Variants in ZNF33B observed in about 807,000 individuals in gnomAD.
The protein encoded by ZNF33B is zinc finger protein 11b (KOX 2).
A neutral mutation model predicts 45.8 loss-of-function variants in ZNF33B; 29 were observed. The observed-to-expected ratio is 0.63, with a 90% CI of 0.47 to 0.86. ZNF33B has a LOEUF of 0.86. ZNF33B is among the 40% of genes least tolerant of loss of function. The pLI is 0.00. For synonymous variants in ZNF33B, 305 were observed against 307.8 expected (o/e 0.99, Z 0.10); for missense variants, 831 against 909.9 (o/e 0.91, Z 1.12).
At position 42,589,592 on chromosome 10, in the gene ZNF33B, G is replaced by A. The variant is rs935956212; in HGVS notation, c.*3021C>T. On this transcript the variant is annotated 3_prime_UTR_variant, in exon 5 of 5. Coordinates refer to ENST00000359467, the MANE Select transcript of ZNF33B (RefSeq NM_006955.3). The stretch of plus-strand genomic sequence containing the variant: ...TTTTCACTTAACAATAAGCATTTAG[G>A]GTTCCTATATGTCTTTTAATGACTT... 7 of 152,016 alleles carry A rather than the reference G, an allele frequency of 4.6e-5. No homozygotes were observed. Among genetic ancestry groups the A allele is most frequent in the African/African-American group, 1.7e-4 (7 of 41,376 alleles). 9.4% of individuals were successfully genotyped at this position (152,016 alleles called of 1,614,324 possible).
At chr10:42,598,646 CG>C (rs1209785782) in intron 4 of ZNF33B, among the ~76,000 whole-genome samples, 1 of 152,192 alleles carries the variant, frequency 6.6e-6, no homozygotes, top group African/African-American at 2.4e-5. Context: ...AGTGTAGCAA[CG>C]TGTGACTGCA....
chr10:42,586,494 G>A (rs1280931310), downstream of ZNF33B, among the ~76,000 whole-genome samples: 2 of 152,210 alleles, frequency 1.3e-5, no homozygotes, highest in Non-Finnish European at 1.5e-5. Flanking sequence ...ACCCAGGCTG[G>A]AGTGCAGTGG....
chr10:42,587,780 G>A (rs536483438), downstream of ZNF33B, among the ~76,000 whole-genome samples: 12 of 152,330 alleles, frequency 7.9e-5, no homozygotes, highest in African/African-American at 2.9e-4. Context: ...ACTTCCTCTG[G>A]TAATCTGGGG....
chr10:42,592,462 G>C lies in ZNF33B; in HGVS notation c.*151C>G, dbSNP rs12218619. ...ATCCTATAGTTGTTGTAGTCTATGG[G>C]TTTATCCCCTACTGTTACTTTGGAG... On this transcript the variant is annotated 3_prime_UTR_variant, in exon 5 of 5. Coordinates refer to ENST00000359467, the MANE Select transcript of ZNF33B (RefSeq NM_006955.3). The C allele has an allele frequency of 4.2e-4, 482 of 1,139,398 alleles. 4 individuals carry two copies. In the East Asian group the frequency reaches 9.3e-3, roughly 22 times the overall value. 70.6% of individuals were successfully genotyped at this position (1,139,398 alleles called of 1,614,324 possible).
Position 42,577,656 on chromosome 10 carries a change from A to G in ZNF33B, c.74-2978T>C, listed in dbSNP as rs574985888. ...TCAATCAGGTGAATTTGTCCTCCCC[A>G]GCACTCACCAGACTGCTTACTATGT... On this transcript the variant is annotated intron_variant, in intron 1 of 1. Coordinates refer to the ZNF33B transcript ENST00000462075. 1.6e-4 allele frequency among the ~76,000 whole-genome samples: 25 copies of G among 152,306 alleles called. 1 individual carries two copies. Among genetic ancestry groups the G allele is most frequent in the Admixed American group, 1.5e-3 (23 of 15,296 alleles).
chr10:42,636,217 T>C (rs1005129252), intron 2 of ZNF33B, among the ~76,000 whole-genome samples: 2 of 152,202 alleles, frequency 1.3e-5, no homozygotes, highest in African/African-American at 4.8e-5. Flanking sequence ...GGAACCTGTA[T>C]AAAATAAAAA....
chr10:42,628,678 A>G (rs558759898), intron 4 of ZNF33B, among the ~76,000 whole-genome samples: 1 of 152,208 alleles, frequency 6.6e-6, no homozygotes, highest in East Asian at 1.9e-4. Context: ...TACTTTATCA[A>G]CCTATGTTGT....
At chr10:42,611,406 G>C (rs905004923) in intron 4 of ZNF33B, among the ~76,000 whole-genome samples, 1 of 151,970 alleles carries the variant, frequency 6.6e-6, no homozygotes, top group Non-Finnish European at 1.5e-5. Context: ...CTGAATATTT[G>C]TATGAAAAAC....
At chr10:42,621,266 AGG>A (rs1838571349) in intron 4 of ZNF33B, among the ~76,000 whole-genome samples, 1 of 151,984 alleles carries the variant, frequency 6.6e-6, no homozygotes, top group African/African-American at 2.4e-5. Flanking sequence ...TGGGAGTTCG[AGG>A]CTACAGTGAG....
chr10:42,638,487 CG>C lies in ZNF33B; in HGVS notation c.-59del. ...GCGGAGGCTTACCTCACTCTCTCTT[CG>C]GGTTGCATTCGCCATAAGAGAGCCG... On this transcript the variant is annotated 5_prime_UTR_variant, in exon 1 of 5. The change creates a premature stop within an existing upstream ORF in the 5' untranslated region. Coordinates refer to ENST00000359467, the MANE Select transcript of ZNF33B (RefSeq NM_006955.3). 2.2e-6 allele frequency: 1 copy of C among 462,110 alleles called. No homozygotes were observed. The highest frequency in any genetic ancestry group is 4.3e-6 in the Non-Finnish European group (1 of 231,462). The allele number at this position is 462,110 out of a possible 1,614,324, so 28.6% of individuals were successfully genotyped here.
At chr10:42,612,060 T>TTC (rs1838120358) in intron 4 of ZNF33B, among the ~76,000 whole-genome samples, 1 of 152,098 alleles carries the variant, frequency 6.6e-6, no homozygotes, top group Admixed American at 6.5e-5. Context: ...CTAAGTATGA[T>TTC]CTTAGCAGTA....
At chr10:42,598,168 C>T (rs1837477557) in intron 4 of ZNF33B, among the ~76,000 whole-genome samples, 1 of 152,198 alleles carries the variant, frequency 6.6e-6, no homozygotes, top group Admixed American at 6.5e-5. Flanking sequence ...CTAGTAACTG[C>T]CTAGTGTGCC....
Position 42,593,414 on chromosome 10 carries a change from G to A in ZNF33B, c.1536C>T (p.Leu512=), listed in dbSNP as rs754559995. 5 of 1,613,994 alleles carry A rather than the reference G, an allele frequency of 3.1e-6. No individual in the cohort carries two copies. In the Admixed American group the frequency reaches 8.3e-5, roughly 27 times the overall value. ...CTGTATGAATTATCTGATGCCTGGT[G>A]AGTACTGACTTGTGGTAGAAAGTTT... ...CGKTFYHKSV[L]TRHQIIHTGL... Residue 512 remains leucine, a synonymous_variant, in exon 5 of 5, where the codon CTC becomes CTT. Transcript: ENST00000359467.
chr10:42,635,426 T>C (rs1161993753), intron 2 of ZNF33B, among the ~76,000 whole-genome samples: 1 of 152,158 alleles, frequency 6.6e-6, no homozygotes, highest in Non-Finnish European at 1.5e-5. Context: ...ATGTTTTTTT[T>C]GACGTATGTA....
At chr10:42,579,282 C>T (rs1223535853) in intron 1 of ZNF33B, among the ~76,000 whole-genome samples, 1 of 152,138 alleles carries the variant, frequency 6.6e-6, no homozygotes, top group East Asian at 1.9e-4. Context: ...GATGCTGAGG[C>T]TTGGGGAACG....
chr10:42,575,683 C>T (rs999801491), intron 1 of ZNF33B, among the ~76,000 whole-genome samples: 1 of 149,342 alleles, frequency 6.7e-6, no homozygotes, highest in African/African-American at 2.5e-5. Flanking sequence ...GTCGTGAAGA[C>T]ATTATAAGTT....
chr10:42,625,839 A>G (rs897363576), intron 4 of ZNF33B, among the ~76,000 whole-genome samples: 2 of 152,242 alleles, frequency 1.3e-5, no homozygotes, highest in Non-Finnish European at 2.9e-5. Flanking sequence ...GTGTAAATGT[A>G]AACAGTTTTA....
intron 4 of ZNF33B, among the ~76,000 whole-genome samples, chr10:42,610,740 T>C (rs540152391): frequency 6.6e-6 from 1 of 152,340 alleles, no homozygotes; most frequent in South Asian, 2.1e-4. Flanking sequence ...CAAATTAATA[T>C]CTAAATTCAA....
rs2132039471 is a variant in ZNF33B at position 42,593,827 on chromosome 10, G to C, written c.1123C>G (p.His375Asp). The C allele has an allele frequency of 1.9e-6, 3 of 1,614,068 alleles. No homozygotes were observed. The East Asian group carries it at 6.7e-5, about 36-fold the overall frequency. Residue 375 changes from histidine to aspartate, a missense_variant, in exon 5 of 5, where the codon CAT (histidine) becomes GAT (aspartate). Physicochemically the swap from His to Asp is moderately conservative, Grantham distance 81 (BLOSUM62 -1). Transcript: ENST00000359467. ...TTCTCCCCTGTGTGTGATCTCTGAT[G>C]TTTAGTGAGGTTTGACTTCTCCCAG... ...TFWEKSNLTK[H>D]QRSHTGEKPF... is the part of the protein sequence containing the mutation.
Sources: allele counts gnomAD v4.1 joint callset (sites outside exome capture counted in the v4.1 genomes callset), GRCh38; gene constraint gnomAD v4.1.1; transcripts MANE v1.5; gene names NCBI Gene and HGNC (gene_info 2026-07-23, HGNC 2026-07-21).